The following PRKAR1A variants were observed in gnomAD, a reference collection of about 807,000 sequenced individuals.
PRKAR1A encodes the protein protein kinase cAMP-dependent type I regulatory subunit alpha.
In PRKAR1A, 3 loss-of-function variants were observed where a neutral mutation model predicts 52.0. The observed-to-expected ratio is 0.06, with a 90% CI of 0.03 to 0.15. The LOEUF (loss-of-function observed/expected upper bound fraction) is 0.15, where lower values mean the gene tolerates loss of function less well. Ranked by LOEUF, PRKAR1A falls within the 10% of genes least tolerant of loss-of-function variation. PRKAR1A has a pLI of 1.00. For synonymous variants in PRKAR1A, 188 were observed against 168.4 expected, an observed-to-expected ratio of 1.12 and a Z score of -0.90; for missense variants, 240 against 477.4, an observed-to-expected ratio of 0.50 and a Z score of 4.63.
At chr17:68,459,239 T>TC in the PRKAR1A span, among the ~76,000 whole-genome samples, 5 of 152,202 alleles carry the variant, frequency 3.3e-5, no homozygotes, top group Non-Finnish European at 4.4e-5. Flanking sequence ...CAAAGGTGCT[T>TC]CCCCCCACCT....
rs2085767931 is a variant in PRKAR1A, at chr17:68,525,707, T to G, written c.550-47T>G. 3 of 1,590,578 alleles carry G rather than the reference T, an allele frequency of 1.9e-6. No homozygotes were observed. The South Asian group carries it at 3.3e-5, about 18-fold the overall frequency. ...GGTTTGAGGGTTTTTAACATTTAAG[T>G]GTTTGTATCTAGAAAATAAACTTTT... On this transcript the variant is annotated intron_variant, in intron 6 of 10. Transcript: ENST00000589228.
chr17:68,514,039 AATCT>A (rs1400477290), intron 1 of PRKAR1A, among the ~76,000 whole-genome samples: 2 of 152,192 alleles, frequency 1.3e-5, no homozygotes, highest in Non-Finnish European at 2.9e-5. Context: ...GGCTTGTATA[AATCT>A]ATCCTAAAGT....
chr17:68,422,264 A>G, the PRKAR1A span: 1 of 160,492 alleles, frequency 6.2e-6, no homozygotes, highest in Non-Finnish European at 1.4e-5. Context: ...CATCGCTACT[A>G]AAAAATACAA....
chr17:68,430,256 G>C, the PRKAR1A span: 14 of 1,255,382 alleles, frequency 1.1e-5, no homozygotes, highest in African/African-American at 1.5e-5. Flanking sequence ...CACACTCCCC[G>C]CAGCAGGGAG....
At chr17:68,521,155 T>C (rs2085593268) in intron 2 of PRKAR1A, among the ~76,000 whole-genome samples, 1 of 152,186 alleles carries the variant, frequency 6.6e-6, no homozygotes, top group Non-Finnish European at 1.5e-5. Context: ...ATGGCCAGTC[T>C]GGTCTTGAAC....
At chr17:68,479,099 T>A in the PRKAR1A span, among the ~76,000 whole-genome samples, 1 of 152,240 alleles carries the variant, frequency 6.6e-6, no homozygotes, top group South Asian at 2.1e-4. Context: ...TAACTATAGT[T>A]ATCCACATTC....
At chr17:68,469,834 A>G in the PRKAR1A span, among the ~76,000 whole-genome samples, 5 of 152,206 alleles carry the variant, frequency 3.3e-5, no homozygotes, top group African/African-American at 1.2e-4. Flanking sequence ...CATTAAAGTA[A>G]TAATAAACCC....
At chr17:68,512,820 C>T (rs1477356729) in intron 1 of PRKAR1A, 2 of 152,084 alleles carry the variant, frequency 1.3e-5, no homozygotes, top group African/African-American at 2.4e-5. Context: ...CCCACGGCTC[C>T]TGGGGCCCTG....
chr17:68,456,709 G>C, the PRKAR1A span, among the ~76,000 whole-genome samples: 2 of 152,224 alleles, frequency 1.3e-5, no homozygotes, highest in Non-Finnish European at 2.9e-5. Flanking sequence ...AGGAGATCCT[G>C]CCTGGCTGGG....
chr17:68,491,868 A>T, the PRKAR1A span, among the ~76,000 whole-genome samples: 1 of 152,236 alleles, frequency 6.6e-6, no homozygotes, highest in Non-Finnish European at 1.5e-5. Context: ...CTGCTTCAAA[A>T]GCCACCAGAA....
At chr17:68,450,927 T>C in the PRKAR1A span, 37 of 1,599,006 alleles carry the variant, frequency 2.3e-5, no homozygotes, top group Non-Finnish European at 2.9e-5. Context: ...GGAGGTTACA[T>C]GGATTGATCA....
the PRKAR1A span, chr17:68,435,561 C>G: frequency 1.3e-6 from 2 of 1,532,978 alleles, no homozygotes; most frequent in Non-Finnish European, 9.0e-7. Context: ...CCCATCCCTG[C>G]GCACGGCAGG....
intron 11 of PRKAR1A, among the ~76,000 whole-genome samples, chr17:68,538,930 G>T (rs866196943): frequency 6.6e-6 from 1 of 152,170 alleles, no homozygotes; most frequent in Non-Finnish European, 1.5e-5. Flanking sequence ...GTATCCTTAA[G>T]CGCAGGTTTT....
chr17:68,534,579 G>A (rs1436720997), downstream of PRKAR1A, among the ~76,000 whole-genome samples: 2 of 54,734 alleles, frequency 3.7e-5, no homozygotes, highest in Non-Finnish European at 4.1e-5. Context: ...TTTTTTTTTT[G>A]CATTTTTGTA....
At chr17:68,516,158 C>T (rs1218463965) in intron 2 of PRKAR1A, among the ~76,000 whole-genome samples, 1 of 152,024 alleles carries the variant, frequency 6.6e-6, no homozygotes, top group East Asian at 1.9e-4. Flanking sequence ...CTTGTTGCGC[C>T]TTGAAAAAAA....
intron 3 of PRKAR1A, 137 bp from the exon 4 acceptor site, chr17:68,523,588 T>G (rs2085685566): frequency 1.4e-6 from 1 of 705,008 alleles, no homozygotes; most frequent in South Asian, 1.5e-5. Flanking sequence ...ATAGTACAAG[T>G]GTGTTGTAGT....
At chr17:68,550,965 G>T in intron 11 of PRKAR1A, 1 of 904,200 alleles carries the variant, frequency 1.1e-6, no homozygotes, top group Non-Finnish European at 1.5e-6. Context: ...GCCTCCCCTT[G>T]AATGGCTGAA....
At chr17:68,501,951 C>T in the PRKAR1A span, among the ~76,000 whole-genome samples, 6 of 152,198 alleles carry the variant, frequency 3.9e-5, no homozygotes, top group African/African-American at 1.4e-4. Flanking sequence ...TTCCTGTCTC[C>T]TCCTTATCCT....
At chr17:68,551,221 C>A (rs2143653650) in exon 12 of PRKAR1A, 3 of 938,062 alleles carry the variant, frequency 3.2e-6, no homozygotes, top group South Asian at 5.5e-5. Context: ...TCTAAGGACT[C>A]AATACATATT....
Sources: allele counts gnomAD v4.1 joint callset (sites outside exome capture counted in the v4.1 genomes callset), GRCh38; gene constraint gnomAD v4.1.1; transcripts MANE v1.5; gene names NCBI Gene and HGNC (gene_info 2026-07-23, HGNC 2026-07-21).